SGCD: variants seen among roughly 807,000 people sequenced by gnomAD.
SGCD encodes delta-sarcoglycan.
In SGCD, 18 loss-of-function variants were observed where a neutral mutation model predicts 36.6. That is an observed-to-expected ratio of 0.49 (90% CI 0.34 to 0.73). The LOEUF (loss-of-function observed/expected upper bound fraction) is 0.73, where lower values mean the gene tolerates loss of function less well. SGCD is among the 30% of genes least tolerant of loss of function. SGCD has a pLI of 0.01. For missense variants in SGCD, 387 were observed against 346.7 expected (o/e 1.12, Z -0.92); for synonymous variants, 133 against 130.6 (o/e 1.02, Z -0.12).
the SGCD span, among the ~76,000 whole-genome samples, chr5:155,762,502 A>G: frequency 6.6e-6 from 1 of 152,352 alleles, no homozygotes; most frequent in Non-Finnish European, 1.5e-5. Flanking sequence ...CCATAGTAAT[A>G]GCAATAGCTG....
chr5:155,906,453 G>C (rs1264866588), intron 1 of SGCD, among the ~76,000 whole-genome samples: 1 of 152,166 alleles, frequency 6.6e-6, no homozygotes, highest in Non-Finnish European at 1.5e-5. Flanking sequence ...TAGGTCTCTT[G>C]AGCCAAACAG....
chr5:156,122,838 T>C (rs550974768), intron 2 of SGCD, among the ~76,000 whole-genome samples: 2 of 78,856 alleles, frequency 2.5e-5, no homozygotes, highest in Non-Finnish European at 4.6e-5. Context: ...TAGTAAAAGA[T>C]GTGGTAAAAA....
intron 2 of SGCD, among the ~76,000 whole-genome samples, chr5:156,118,647 A>G (rs1561526696): frequency 6.6e-6 from 1 of 152,172 alleles, no homozygotes; most frequent in Non-Finnish European, 1.5e-5. Flanking sequence ...GTGCCGGGAA[A>G]TTTCCTAAAG....
At chr5:155,982,233 C>T (rs764822381) in intron 1 of SGCD, among the ~76,000 whole-genome samples, 21 of 152,146 alleles carry the variant, frequency 1.4e-4, no homozygotes, top group Non-Finnish European at 2.6e-4. Flanking sequence ...TTCAGACTGT[C>T]GGGGCATGAG....
intron 3 of SGCD, among the ~76,000 whole-genome samples, chr5:156,319,238 A>G (rs79258353): frequency 2.0e-5 from 3 of 152,302 alleles, no homozygotes; most frequent in Non-Finnish European, 2.9e-5. Flanking sequence ...GTTGAAGTTG[A>G]TCAAACTGGA....
intron 4 of SGCD, among the ~76,000 whole-genome samples, chr5:156,514,959 T>C (rs1264100613): frequency 6.6e-6 from 1 of 152,190 alleles, no homozygotes; most frequent in Non-Finnish European, 1.5e-5. Flanking sequence ...ACAATGATGA[T>C]AATGATGATG....
At chr5:155,864,739 A>G in the SGCD span, among the ~76,000 whole-genome samples, 1 of 135,956 alleles carries the variant, frequency 7.4e-6, no homozygotes, top group Admixed American at 7.0e-5. Context: ...TGGATAAACT[A>G]CAAAAACAAC....
chr5:155,989,421 G>A (rs752949521), intron 1 of SGCD, among the ~76,000 whole-genome samples: 4 of 152,110 alleles, frequency 2.6e-5, no homozygotes, highest in African/African-American at 4.8e-5. Context: ...TACAAAAACA[G>A]GTTCTTAGTT....
At chr5:156,271,759 C>T (rs553309282) in intron 3 of SGCD, among the ~76,000 whole-genome samples, 1 of 152,222 alleles carries the variant, frequency 6.6e-6, no homozygotes, top group South Asian at 2.1e-4. Flanking sequence ...TGGATTTGTG[C>T]TCTCCCCTTG....
At chr5:156,007,094 T>A (rs1758772908) in intron 1 of SGCD, among the ~76,000 whole-genome samples, 1 of 152,226 alleles carries the variant, frequency 6.6e-6, no homozygotes, top group Non-Finnish European at 1.5e-5. Context: ...GTACCCCTGC[T>A]ACTTCCCTGG....
chr5:155,930,646 A>G (rs565806824), intron 1 of SGCD, among the ~76,000 whole-genome samples: 3 of 152,204 alleles, frequency 2.0e-5, no homozygotes, highest in Non-Finnish European at 2.9e-5. Context: ...TGGATTTTTC[A>G]TAATTAATAA....
chr5:155,945,819 A>G (rs1169127825), intron 1 of SGCD, among the ~76,000 whole-genome samples: 1 of 152,192 alleles, frequency 6.6e-6, no homozygotes, highest in African/African-American at 2.4e-5. Context: ...TTTCACCCTG[A>G]GGATTTAAAG....
chr5:155,849,446 G>GCGCACACA, the SGCD span, among the ~76,000 whole-genome samples: 2 of 149,832 alleles, frequency 1.3e-5, no homozygotes, highest in Admixed American at 6.7e-5. Flanking sequence ...ATGTGCGCGC[G>GCGCACACA]CACACACACA....
At chr5:156,495,580 C>T (rs530277439) in intron 3 of SGCD, among the ~76,000 whole-genome samples, 4 of 152,236 alleles carry the variant, frequency 2.6e-5, no homozygotes, top group South Asian at 4.1e-4. Flanking sequence ...GGGATTTTCA[C>T]AGTGTGTATT....
Position 156,761,743 on chromosome 5 carries a change from G to C in SGCD, c.*2353G>C, listed in dbSNP as rs1757503807. Reference sequence around the variant, plus strand: ...TTAGATTTTGTTCTAATCACCACGTGAAGGAATGAGATTAGCACCACAAGT... The same window carrying C: ...TTAGATTTTGTTCTAATCACCACGTCAAGGAATGAGATTAGCACCACAAGT... On this transcript the variant is annotated 3_prime_UTR_variant, in exon 9 of 9. Transcript: ENST00000337851. The C allele has an allele frequency of 6.6e-6, 1 of 152,198 alleles. No homozygotes were observed. The highest frequency in any genetic ancestry group is 1.5e-5 in the Non-Finnish European group (1 of 68,038). 9.4% of individuals were successfully genotyped at this position (152,198 alleles called of 1,614,324 possible). A position where few individuals can be genotyped will look rare whatever the true frequency, so the allele number is the denominator to read the frequency against.
intron 1 of SGCD, among the ~76,000 whole-genome samples, chr5:155,914,513 T>C (rs1298932263): frequency 2.0e-5 from 3 of 152,174 alleles, no homozygotes; most frequent in Admixed American, 1.3e-4. Context: ...GCATTCCATA[T>C]GATAGATAGC....
intron 3 of SGCD, among the ~76,000 whole-genome samples, chr5:156,206,276 T>C (rs932473692): frequency 3.3e-5 from 5 of 152,060 alleles, no homozygotes; most frequent in African/African-American, 1.2e-4. Context: ...TGGCTTGGCA[T>C]TCGGGGTTTT....
At chr5:156,582,297 T>A (rs1275604385) in intron 4 of SGCD, among the ~76,000 whole-genome samples, 2 of 152,168 alleles carry the variant, frequency 1.3e-5, no homozygotes, top group Non-Finnish European at 2.9e-5. Flanking sequence ...TTTGGGGTTG[T>A]TACATGAGTG....
chr5:156,090,572 T>C (rs570971691), intron 1 of SGCD, among the ~76,000 whole-genome samples: 15 of 152,328 alleles, frequency 9.8e-5, no homozygotes, highest in African/African-American at 3.4e-4. Flanking sequence ...TAAAGGTCCA[T>C]GTCCCACTGG....
Sources: gnomAD v4.1 joint callset for allele counts (sites outside exome capture counted in the v4.1 genomes callset) on GRCh38, gnomAD v4.1.1 for gene constraint, MANE v1.5 for transcripts, NCBI Gene and HGNC (gene_info 2026-07-23, HGNC 2026-07-21) for gene names.